Variants in ATAD3B observed in about 807,000 individuals in gnomAD.
The protein encoded by ATAD3B is ATPase family AAA domain containing 3B, also known as ATPase family AAA domain-containing protein 3B.
A neutral mutation model predicts 70.2 loss-of-function variants in ATAD3B; 59 were observed. The ratio of observed to expected loss-of-function variants is 0.84; its 90% confidence interval spans 0.68 to 1.04. ATAD3B has a LOEUF of 1.04. Ranked by LOEUF, ATAD3B falls within the 50% of genes least tolerant of loss-of-function variation. The pLI, the probability that ATAD3B is intolerant of heterozygous loss-of-function variation, is 0.00. For synonymous variants in ATAD3B, 423 were observed against 388.6 expected (o/e 1.09, Z -1.04); for missense variants, 961 against 913.4 (o/e 1.05, Z -0.67).
chr1:1,502,284 G>A (rs1265954213), downstream of ATAD3B, among the ~76,000 whole-genome samples: 15 of 150,694 alleles, frequency 1.0e-4, no homozygotes, highest in Admixed American at 5.3e-4. Flanking sequence ...GCATAACCTC[G>A]GCTCACTACA....
At chr1:1,499,893 C>A (rs578027788), downstream of ATAD3B, among the ~76,000 whole-genome samples, 3 of 138,012 alleles carry the variant, frequency 2.2e-5, no homozygotes, top group South Asian at 2.3e-4. Context: ...CGTGCCCAGC[C>A]TTTTTTTTTT....
Position 1,496,077 on chromosome 1 carries a change from T to C in ATAD3B, c.*260T>C. On this transcript the variant is annotated 3_prime_UTR_variant, in exon 16 of 16. Transcript: ENST00000673477. ...AGAAGTGGGGCGGCCTGAACCCTGC[T>C]TCCAGCCATGGCCAGGGGCCACGGA... 8.2e-7 allele frequency: 1 copy of C among 1,224,628 alleles called. No homozygotes were observed. Among genetic ancestry groups the C allele is most frequent in the African/African-American group, 1.5e-5 (1 of 65,664 alleles). 75.9% of individuals were successfully genotyped at this position (1,224,628 alleles called of 1,614,324 possible).
chr1:1,508,154 A>C, the ATAD3B span, among the ~76,000 whole-genome samples: 4 of 151,888 alleles, frequency 2.6e-5, no homozygotes, highest in Non-Finnish European at 5.9e-5. Flanking sequence ...TCAAGACCAA[A>C]AATGATGTTG....
chr1:1,489,071 A>C (rs1640387257), intron 12 of ATAD3B, 133 bp from the exon 13 acceptor site: 6 of 1,488,372 alleles, frequency 4.0e-6, no homozygotes, highest in Non-Finnish European at 4.5e-6. Context: ...CCTGGTCAGG[A>C]TTTTGAGTTT....
chr1:1,508,535 G>A, the ATAD3B span, among the ~76,000 whole-genome samples: 1 of 151,350 alleles, frequency 6.6e-6, no homozygotes, highest in Non-Finnish European at 1.5e-5. Context: ...GCCCAGTGGG[G>A]GTCCCCACAC....
chr1:1,474,474 G>T (rs1639493414), intron 1 of ATAD3B, among the ~76,000 whole-genome samples: 1 of 151,204 alleles, frequency 6.6e-6, no homozygotes, highest in Non-Finnish European at 1.5e-5. Flanking sequence ...ACAGACGTGA[G>T]CCACCGCGCC....
downstream of ATAD3B, among the ~76,000 whole-genome samples, chr1:1,500,696 G>A (rs1640924245): frequency 6.6e-6 from 1 of 151,582 alleles, no homozygotes. Context: ...GCTCATGCCT[G>A]TAATCCCAGC....
chr1:1,496,110 A>T lies in ATAD3B; in HGVS notation c.*293A>T. ...ATGGCCAGGGGCCACGGAACCCGGC[A>T]GGGGTGTCTGAGGCCGCCCTGTCAG... On this transcript the variant is annotated 3_prime_UTR_variant, in exon 16 of 16. Transcript: ENST00000673477. 1.7e-6 allele frequency: 2 copies of T among 1,170,466 alleles called. No homozygotes were observed. The highest frequency in any genetic ancestry group is 6.8e-5 in the South Asian group (2 of 29,276). The allele number at this position is 1,170,466 out of a possible 1,614,324, so 72.5% of individuals were successfully genotyped here.
Position 1,480,443 on chromosome 1 carries a change from A to G in ATAD3B, c.445-424A>G, listed in dbSNP as rs1434341016. ...GGTCTATGAGAAAAGCTTGGGTGAC[A>G]TCTGTTCCCTGGTCCTTAGGGACCG... On this transcript the variant is annotated intron_variant, in intron 4 of 15. Transcript: ENST00000673477. Among the ~76,000 whole-genome samples the G allele has an allele frequency of 2.7e-5, 4 of 146,700 alleles. 1 individual carries two copies. The highest frequency in any genetic ancestry group is 6.0e-5 in the Non-Finnish European group (4 of 66,998).
chr1:1,500,892 G>A (rs1640931014), downstream of ATAD3B, among the ~76,000 whole-genome samples: 1 of 151,946 alleles, frequency 6.6e-6, no homozygotes, highest in Admixed American at 6.6e-5. Context: ...GGGAGGCGGA[G>A]CTTACAGTGA....
the ATAD3B span, among the ~76,000 whole-genome samples, chr1:1,504,599 G>A: frequency 6.6e-6 from 1 of 151,870 alleles, no homozygotes; most frequent in South Asian, 2.1e-4. Flanking sequence ...GCGGTGAGCC[G>A]AGACCACGTC....
intron 1 of ATAD3B, among the ~76,000 whole-genome samples, chr1:1,476,466 G>C (rs2100525856): frequency 6.6e-6 from 1 of 151,762 alleles, no homozygotes; most frequent in Admixed American, 6.6e-5. Context: ...ACCAACCCAG[G>C]AGCATCGGGG....
In ATAD3B at chr1:1,490,335, C is replaced by G. The variant is rs1483393832; in HGVS notation, c.1416C>G (p.His472Gln). Reference protein sequence around the residue: ...AINSRIDVMVHFDLPQQEERE... With the variant: ...AINSRIDVMVQFDLPQQEERE... ...ACAGCCGCATTGACGTGATGGTCCA[C>G]TTCGACCTGCCGCAGCAGGAGGAGC... Residue 472 changes from histidine (H) to glutamine (Q), a missense_variant, in exon 14 of 16, where the codon CAC (histidine) becomes CAG (glutamine). His to Gln is a conservative substitution (Grantham distance 24). Coordinates refer to ENST00000673477, the MANE Select transcript of ATAD3B (RefSeq NM_031921.6). 3 of 1,613,210 alleles carry G rather than the reference C, an allele frequency of 1.9e-6. No individual in the cohort carries two copies. Among genetic ancestry groups the G allele is most frequent in the East Asian group, 4.5e-5 (2 of 44,890 alleles).
At chr1:1,487,830 T>G in intron 11 of ATAD3B, 33 bp from the exon 12 acceptor site, 1 of 1,611,102 alleles carries the variant, frequency 6.2e-7, no homozygotes, top group African/African-American at 1.3e-5. Flanking sequence ...CTGGCGTCAC[T>G]CTCGCCTTGC....
At chr1:1,504,292 T>G in the ATAD3B span, among the ~76,000 whole-genome samples, 1 of 151,724 alleles carries the variant, frequency 6.6e-6, no homozygotes, top group African/African-American at 2.4e-5. Flanking sequence ...GGTCCCTCAC[T>G]TTCAGTCCTG....
chr1:1,477,244 A>ACCTGCT (rs765534903), intron 1 of ATAD3B, 30 bp from the exon 2 acceptor site: 1 of 1,611,034 alleles, frequency 6.2e-7, no homozygotes, highest in East Asian at 2.2e-5. Context: ...TGTATCCTAC[A>ACCTGCT]CCTGCTCTCC....
intron 9 of ATAD3B, 25 bp from the exon 10 acceptor site, chr1:1,486,085 C>G: frequency 6.2e-7 from 1 of 1,612,770 alleles, no homozygotes; most frequent in Non-Finnish European, 8.5e-7. Flanking sequence ...GAGTGTCTCC[C>G]CCAAACCCCC....
At chr1:1,501,263 T>C (rs973347939), downstream of ATAD3B, among the ~76,000 whole-genome samples, 2 of 151,354 alleles carry the variant, frequency 1.3e-5, no homozygotes, top group African/African-American at 4.9e-5. Flanking sequence ...TTTTTGTATT[T>C]TTTTTTTTTG....
At chr1:1,499,498 C>T (rs112516558), downstream of ATAD3B, among the ~76,000 whole-genome samples, 19 of 151,282 alleles carry the variant, frequency 1.3e-4, no homozygotes, top group Non-Finnish European at 2.6e-4. Flanking sequence ...TCCCAAAGTG[C>T]TGGGATTACA....
Sources: allele counts gnomAD v4.1 joint callset (sites outside exome capture counted in the v4.1 genomes callset), GRCh38; gene constraint gnomAD v4.1.1; transcripts MANE v1.5; gene names NCBI Gene and HGNC (gene_info 2026-07-23, HGNC 2026-07-21).